ERAP1: variants seen among roughly 807,000 people sequenced by gnomAD.
The protein encoded by ERAP1 is endoplasmic reticulum aminopeptidase 1, also known as adipocyte-derived leucine aminopeptidase.
In ERAP1, 86 loss-of-function variants were observed where a neutral mutation model predicts 103.7. The ratio of observed to expected loss-of-function variants is 0.83; its 90% CI spans 0.70 to 0.99. ERAP1 has a LOEUF of 0.99. Ranked by LOEUF, ERAP1 falls within the 50% of genes least tolerant of loss-of-function variation. The pLI, the probability that ERAP1 is intolerant of heterozygous loss-of-function variation, is 0.00. For synonymous variants in ERAP1, 398 were observed against 402.4 expected (o/e 0.99, Z 0.13); for missense variants, 1,009 against 1,128.4 (o/e 0.89, Z 1.52).
chr5:96,935,490 C>T, the ERAP1 span: 7 of 152,866 alleles, frequency 4.6e-5, no homozygotes, highest in African/African-American at 1.7e-4. Context: ...CCAGGGAAAC[C>T]AGCGATTCGC....
the ERAP1 span, among the ~76,000 whole-genome samples, chr5:96,818,434 T>C: frequency 4.6e-5 from 7 of 152,054 alleles, no homozygotes; most frequent in Non-Finnish European, 8.8e-5. Context: ...CTCTTTTTTT[T>C]TTTTTTTCCT....
intron 19 of ERAP1, chr5:96,763,343 C>T (rs1212927889): frequency 1.3e-5 from 10 of 751,326 alleles, no homozygotes; most frequent in East Asian, 5.0e-5. Flanking sequence ...TAAAATGCCC[C>T]GTGTGTGTGT....
the ERAP1 span, chr5:96,899,999 T>A: frequency 8.5e-7 from 1 of 1,175,862 alleles, no homozygotes; most frequent in Non-Finnish European, 1.2e-6. Context: ...ATGTTCATTA[T>A]CATGTCTGGA....
At chr5:96,917,626 G>A in the ERAP1 span, 1 of 1,602,514 alleles carries the variant, frequency 6.2e-7, no homozygotes, top group South Asian at 1.1e-5. Flanking sequence ...GAAAAAGTAG[G>A]CTGGGCGCGG....
intron 2 of ERAP1, among the ~76,000 whole-genome samples, chr5:96,801,850 T>C (rs1394112756): frequency 2.4e-5 from 1 of 42,042 alleles, no homozygotes; most frequent in Non-Finnish European, 4.3e-5. Context: ...AGACTCCGTC[T>C]CGACAAAAAA....
the ERAP1 span, among the ~76,000 whole-genome samples, chr5:96,830,692 G>A: frequency 6.6e-6 from 1 of 152,324 alleles, no homozygotes; most frequent in African/African-American, 2.4e-5. Flanking sequence ...AAAGAATATT[G>A]TTTAGTAATA....
At chr5:96,913,321 A>G in the ERAP1 span, 2 of 1,613,514 alleles carry the variant, frequency 1.2e-6, no homozygotes, top group African/African-American at 1.3e-5. Flanking sequence ...CTTCAGGTTA[A>G]TTGAACTAGG....
chr5:96,800,613 C>T (rs1230924799), intron 3 of ERAP1, among the ~76,000 whole-genome samples: 6 of 152,202 alleles, frequency 3.9e-5, no homozygotes, highest in African/African-American at 9.7e-5. Flanking sequence ...TACCACTTCC[C>T]TCCTATCAGC....
chr5:96,930,835 A>G, the ERAP1 span, among the ~76,000 whole-genome samples: 1 of 152,216 alleles, frequency 6.6e-6, no homozygotes, highest in African/African-American at 2.4e-5. Flanking sequence ...TTCCCTAGAC[A>G]AGCCTTCATT....
At chr5:96,926,378 G>C in the ERAP1 span, among the ~76,000 whole-genome samples, 1 of 152,010 alleles carries the variant, frequency 6.6e-6, no homozygotes, top group African/African-American at 2.4e-5. Flanking sequence ...ATAGTCACAG[G>C]GTTGAGTGCC....
the ERAP1 span, chr5:96,895,140 G>A: frequency 0.048 from 30,518 of 634,666 alleles, 991 homozygotes; most frequent in Middle Eastern, 0.1. Context: ...AGAGAGAAGA[G>A]AGATCCTAAC....
At chr5:96,795,456 T>G (rs1777245977) in intron 4 of ERAP1, among the ~76,000 whole-genome samples, 1 of 152,212 alleles carries the variant, frequency 6.6e-6, no homozygotes, top group African/African-American at 2.4e-5. Flanking sequence ...TTAGACCCTC[T>G]GATGTCAGGA....
chr5:96,786,290 A>G (rs30378), intron 12 of ERAP1, among the ~76,000 whole-genome samples, 180 bp downstream of exon 12: 94,872 of 152,080 alleles, frequency 0.62, 29,790 homozygotes, highest in Non-Finnish European at 0.66. Context: ...TTAGCATTAT[A>G]TAATTCAGCT....
chr5:96,833,829 G>A, the ERAP1 span, among the ~76,000 whole-genome samples: 5 of 151,384 alleles, frequency 3.3e-5, no homozygotes, highest in East Asian at 9.6e-4. Context: ...AAGATAGCAT[G>A]TGAATTCTGA....
chr5:96,922,818 G>A, the ERAP1 span, among the ~76,000 whole-genome samples: 4 of 152,158 alleles, frequency 2.6e-5, no homozygotes, highest in Non-Finnish European at 1.5e-5. Flanking sequence ...TAAGTTGTGC[G>A]TTATCTGTAG....
At chr5:96,879,957 T>C in the ERAP1 span, 1 of 1,614,192 alleles carries the variant, frequency 6.2e-7, no homozygotes, top group Non-Finnish European at 8.5e-7. Flanking sequence ...TCTCTGGACT[T>C]TGTTGCATCT....
chr5:96,782,121 C>T (rs1381168067), intron 15 of ERAP1, among the ~76,000 whole-genome samples: 1 of 151,718 alleles, frequency 6.6e-6, no homozygotes, highest in Non-Finnish European at 1.5e-5. Flanking sequence ...CGCCATTCTC[C>T]TACCTCAGCC....
chr5:96,889,058 T>G, the ERAP1 span: 2 of 1,133,114 alleles, frequency 1.8e-6, no homozygotes, highest in Admixed American at 2.6e-5. Context: ...ATTGACAACA[T>G]GCTTAATGGT....
At chr5:96,780,299 A>G (rs991482940) in intron 18 of ERAP1, 124 bp downstream of exon 18, 8 of 697,262 alleles carry the variant, frequency 1.1e-5, no homozygotes, top group African/African-American at 9.2e-5. Context: ...AGCATCCAAA[A>G]ATAACTTCTA....
Sources: gnomAD v4.1 joint callset for allele counts (sites outside exome capture counted in the v4.1 genomes callset) on GRCh38, gnomAD v4.1.1 for gene constraint, MANE v1.5 for transcripts, NCBI Gene and HGNC (gene_info 2026-07-23, HGNC 2026-07-21) for gene names.